Variants in BRWD1 observed in about 807,000 individuals in gnomAD.
The protein encoded by BRWD1 is bromodomain and WD repeat-containing protein 1.
In BRWD1, 82 loss-of-function variants were observed where a neutral mutation model predicts 251.2. The ratio of observed to expected loss-of-function variants is 0.33; its 90% confidence interval spans 0.27 to 0.39. The LOEUF is 0.39. Ranked by LOEUF, BRWD1 falls within the 10% of genes least tolerant of loss-of-function variation. The pLI, the probability that BRWD1 is intolerant of heterozygous loss-of-function variation, is 1.00. For missense variants in BRWD1, 2,233 were observed against 2,711.6 expected, an observed-to-expected ratio of 0.82 and a Z score of 3.92; for synonymous variants, 918 against 902.8, an observed-to-expected ratio of 1.02 and a Z score of -0.30.
At chr21:39,270,584 AC>A (rs1240719690) in intron 13 of BRWD1, 151 bp from the exon 14 acceptor site, 2 of 618,820 alleles carry the variant, frequency 3.2e-6, no homozygotes, top group Non-Finnish European at 5.2e-6. Flanking sequence ...CCCAGAACAG[AC>A]TGTCTAGAAA....
At chr21:39,227,856 A>G (rs1397116000) in intron 27 of BRWD1, among the ~76,000 whole-genome samples, 2 of 152,188 alleles carry the variant, frequency 1.3e-5, no homozygotes, top group African/African-American at 4.8e-5. Flanking sequence ...ATGTTACATC[A>G]AAGATAATTA....
rs1476793854 is a variant in BRWD1, at chr21:39,195,306, T to C, written c.*953A>G. The C allele has an allele frequency of 1.0e-6, 1 of 1,002,464 alleles. No homozygotes were observed. The highest frequency in any genetic ancestry group is 5.6e-5 in the Admixed American group (1 of 17,978). The allele number at this position is 1,002,464 out of a possible 1,614,324, so 62.1% of individuals were successfully genotyped here. A position where few individuals can be genotyped will look rare whatever the true frequency, so the allele number is the denominator to read the frequency against. On this transcript the variant is annotated 3_prime_UTR_variant, in exon 41 of 41. Transcript: ENST00000342449. ...CTCACCTCTACAATTGGAATACAGA[T>C]GGGGGAAACCTACATATTAACTTAA...
chr21:39,301,327 C>G (rs181680766), intron 4 of BRWD1, among the ~76,000 whole-genome samples: 28 of 152,294 alleles, frequency 1.8e-4, no homozygotes, highest in African/African-American at 6.3e-4. Context: ...GAGGATACTA[C>G]TTCTATGATT....
At position 39,238,590 on chromosome 21, in the gene BRWD1, G is replaced by A; in HGVS notation, c.2482-17C>T. 1 of 1,581,490 alleles carries A rather than the reference G, an allele frequency of 6.3e-7. No individual in the cohort carries two copies. On this transcript the variant is annotated splice_polypyrimidine_tract_variant and intron_variant, in intron 21 of 40. Transcript: ENST00000342449. The stretch of plus-strand genomic sequence containing the variant: ...GGAAGTCTCCTAATTTGTGAAGGGG[G>A]GAAAAAAATCTTGATCCCTGAAGTT...
intron 36 of BRWD1, chr21:39,209,711 A>C (rs768871254): frequency 1.2e-4 from 27 of 230,816 alleles, no homozygotes; most frequent in Non-Finnish European, 2.0e-4. Flanking sequence ...TCTGTGTATC[A>C]AATTTGTTCA....
intron 15 of BRWD1, 117 bp from the exon 16 acceptor site, chr21:39,265,136 A>AT (rs1555869536): frequency 9.1e-7 from 1 of 1,096,494 alleles, no homozygotes; most frequent in African/African-American, 1.6e-5. Context: ...AAAAAAAAAA[A>AT]GTTTCAGCCA....
At chr21:39,229,813 A>C (rs1239201970) in intron 25 of BRWD1, among the ~76,000 whole-genome samples, 1 of 152,192 alleles carries the variant, frequency 6.6e-6, no homozygotes, top group Non-Finnish European at 1.5e-5. Context: ...GGCTCACTGC[A>C]ATCTCAAACT....
chr21:39,248,339 C>T lies in BRWD1; in HGVS notation c.2350-507G>A, dbSNP rs560247109. Among the ~76,000 whole-genome samples the T allele has an allele frequency of 7.9e-5, 12 of 151,986 alleles. No homozygotes were observed. The East Asian group carries it at 9.7e-4, about 12-fold the overall frequency. ...ATTATTAAAAAGTCAAGGCCAGACG[C>T]GGGGGCTTACACCTGTAATTCCAGC... On this transcript the variant is annotated intron_variant, in intron 20 of 40. Transcript: ENST00000342449.
In BRWD1 at chr21:39,196,915, A is replaced by G; in HGVS notation, c.6154T>C (p.Ser2052Pro). 1 of 1,613,910 alleles carries G rather than the reference A, an allele frequency of 6.2e-7. No homozygotes were observed. Residue 2052 changes from serine to proline, a missense_variant, in exon 41 of 41, where the codon TCA becomes CCA. Transcript: ENST00000342449. ...ATATGACTTTTTGAATCTTCTCCTGAAGATGTAACAGAGGAACTTTTTCTT... is the reference window on the plus strand; with the variant it reads ...ATATGACTTTTTGAATCTTCTCCTGGAGATGTAACAGAGGAACTTTTTCTT... ...SKRKSSSVTS[S>P]GEDSKSHIPG...
chr21:39,264,702 C>A lies in BRWD1; in HGVS notation c.1660-17G>T, dbSNP rs1007937730. Reference sequence around the variant, plus strand: ...ATCAGGAATCTAGAAAAATGAAGTTCACAGGATGACATTTTAAGGTTCACA... The same window carrying A: ...ATCAGGAATCTAGAAAAATGAAGTTAACAGGATGACATTTTAAGGTTCACA... On this transcript the variant is annotated splice_polypyrimidine_tract_variant and intron_variant, in intron 16 of 40. Transcript: ENST00000342449. 3.8e-6 allele frequency: 6 copies of A among 1,564,238 alleles called. No individual in the cohort carries two copies. The highest frequency in any genetic ancestry group is 4.4e-6 in the Non-Finnish European group (5 of 1,146,404).
At chr21:39,309,112 T>C (rs774432628) in intron 4 of BRWD1, among the ~76,000 whole-genome samples, 7 of 148,846 alleles carry the variant, frequency 4.7e-5, no homozygotes, top group Non-Finnish European at 1.0e-4. Context: ...AGGCAGAGGT[T>C]GCAGTGAGCC....
intron 17 of BRWD1, among the ~76,000 whole-genome samples, chr21:39,261,958 T>C (rs1049139607): frequency 1.3e-5 from 2 of 152,114 alleles, no homozygotes; most frequent in African/African-American, 4.8e-5. Flanking sequence ...AAGACACAGA[T>C]CAGCTGGAAG....
chr21:39,312,977 GCGGCGGGCGGC>G (rs2036555936), intron 3 of BRWD1, 77 bp from the exon 4 acceptor site: 1 of 459,512 alleles, frequency 2.2e-6, no homozygotes, highest in Non-Finnish European at 2.8e-6. Context: ...CCGGGGGCGG[GCGGCGGGCGGC>G]GGGCGGGGGG....
chr21:39,244,743 G>A (rs1195644040), intron 21 of BRWD1, among the ~76,000 whole-genome samples: 1 of 151,884 alleles, frequency 6.6e-6, no homozygotes, highest in African/African-American at 2.4e-5. Flanking sequence ...CAAGGTACTT[G>A]AGGCGGAGAG....
chr21:39,220,247 A>G (rs1306548236), intron 29 of BRWD1, among the ~76,000 whole-genome samples: 1 of 152,192 alleles, frequency 6.6e-6, no homozygotes, highest in African/African-American at 2.4e-5. Context: ...AATGACAGGA[A>G]GCCAGGAAAA....
In BRWD1 at chr21:39,186,107, G is replaced by A. The variant is rs935873960; in HGVS notation, c.*10152C>T. The A allele has an allele frequency of 2.6e-5, 4 of 152,148 alleles. No homozygotes were observed. The highest frequency in any genetic ancestry group is 4.8e-5 in the African/African-American group (2 of 41,440). 9.4% of individuals were successfully genotyped at this position (152,148 alleles called of 1,614,324 possible). A position where few individuals can be genotyped will look rare whatever the true frequency, so the allele number is the denominator to read the frequency against. ...TTCAAGTTCTAATTTTTAAGGTGCT[G>A]TAGAGAAACATAAAAGATTTCACTG... On this transcript the variant is annotated 3_prime_UTR_variant, in exon 41 of 41. Transcript: ENST00000342449.
chr21:39,197,089 A>AG lies in BRWD1; in HGVS notation c.5979dup (p.Cys1994LeufsTer2). 1 of 1,614,142 alleles carries AG rather than the reference A, an allele frequency of 6.2e-7. No individual in the cohort carries two copies. The highest frequency in any genetic ancestry group is 8.5e-7 in the Non-Finnish European group (1 of 1,179,972). On this transcript the variant is annotated frameshift_variant, in exon 41 of 41. Coordinates refer to ENST00000342449, the MANE Select transcript of BRWD1 (RefSeq NM_033656.4). LOFTEE classifies it low-confidence loss of function (END_TRUNC). ...TCAGGATCAGGTGGCTTGCCTTCAC[A>AG]GGCATACTGTTCACTTGGTACTTCA...
At chr21:39,239,642 A>G (rs1049812910) in intron 21 of BRWD1, among the ~76,000 whole-genome samples, 10 of 152,210 alleles carry the variant, frequency 6.6e-5, no homozygotes, top group African/African-American at 2.4e-4. Flanking sequence ...TGTGCTGGCT[A>G]TACTGGATCT....
intron 18 of BRWD1, among the ~76,000 whole-genome samples, chr21:39,257,286 T>C (rs181626847): frequency 5.9e-4 from 89 of 152,080 alleles, no homozygotes; most frequent in Non-Finnish European, 1.0e-3. Context: ...ATACAGTAGG[T>C]GCCAGAAGAA....
Sources: gnomAD v4.1 joint callset for allele counts (sites outside exome capture counted in the v4.1 genomes callset) on GRCh38, gnomAD v4.1.1 for gene constraint, MANE v1.5 for transcripts, NCBI Gene and HGNC (gene_info 2026-07-23, HGNC 2026-07-21) for gene names.